Variants in CADPS observed in about 807,000 individuals in gnomAD.
CADPS encodes the protein calcium dependent secretion activator.
CADPS carries 57 observed loss-of-function variants against 167.3 expected under a neutral mutation model. The ratio of observed to expected loss-of-function variants is 0.34; its 90% CI spans 0.28 to 0.42. The LOEUF is 0.42. Ranked by LOEUF, CADPS falls within the 20% of genes least tolerant of loss-of-function variation. The pLI, the probability that CADPS is intolerant of heterozygous loss-of-function variation, is 1.00. For synonymous variants in CADPS, 676 were observed against 635.3 expected, an observed-to-expected ratio of 1.06 and a Z score of -0.96; for missense variants, 1,414 against 1,738.1, an observed-to-expected ratio of 0.81 and a Z score of 3.32.
intron 28 of CADPS, among the ~76,000 whole-genome samples, chr3:62,408,519 C>A (rs545844762): frequency 1.3e-5 from 2 of 152,174 alleles, no homozygotes; most frequent in Non-Finnish European, 2.9e-5. Flanking sequence ...GGGTAATTAA[C>A]ACCTTACTGG....
chr3:62,843,719 C>T (rs2076970247), intron 1 of CADPS, among the ~76,000 whole-genome samples: 1 of 152,128 alleles, frequency 6.6e-6, no homozygotes, highest in Non-Finnish European at 1.5e-5. Context: ...GAGGCAGAGG[C>T]CACTTCCTTA....
intron 1 of CADPS, among the ~76,000 whole-genome samples, chr3:62,858,596 T>C (rs1413381509): frequency 1.3e-5 from 2 of 152,174 alleles, no homozygotes; most frequent in African/African-American, 4.8e-5. Context: ...AACAATTAGG[T>C]AACCAATTGT....
intron 9 of CADPS, among the ~76,000 whole-genome samples, chr3:62,558,227 A>G (rs1416183793): frequency 6.6e-6 from 1 of 152,164 alleles, no homozygotes; most frequent in African/African-American, 2.4e-5. Context: ...AGCCCCCACA[A>G]TGGCGTGGCT....
chr3:62,490,407 A>G (rs939815915), intron 21 of CADPS, among the ~76,000 whole-genome samples: 3 of 152,190 alleles, frequency 2.0e-5, no homozygotes, highest in Non-Finnish European at 2.9e-5. Context: ...CAAACTCTCC[A>G]TATAGGAGTC....
intron 28 of CADPS, chr3:62,403,873 G>A (rs1386843680): frequency 6.6e-6 from 1 of 152,130 alleles, no homozygotes. Flanking sequence ...ATCTACAAAT[G>A]AGCTCATTTC....
chr3:62,611,343 A>G (rs1370594635), intron 6 of CADPS, among the ~76,000 whole-genome samples: 2 of 152,210 alleles, frequency 1.3e-5, no homozygotes, highest in Non-Finnish European at 2.9e-5. Flanking sequence ...TGTAGGTAGA[A>G]TCTGACCACT....
chr3:62,636,934 G>T (rs2066425233), intron 6 of CADPS, among the ~76,000 whole-genome samples: 1 of 152,090 alleles, frequency 6.6e-6, no homozygotes, highest in Admixed American at 6.6e-5. Context: ...GGCACCCTTG[G>T]CCAATTGATT....
rs373133639 is a variant in CADPS, at chr3:62,787,434, CA to C, written c.442-21451del. On this transcript the variant is annotated intron_variant, in intron 1 of 29. Transcript: ENST00000383710. ...TTAAAATATTATTTTACTTTATTTT[CA>C]TGAGTGAAAACATAAATAAATCAAT... Among the ~76,000 whole-genome samples, 45 of 152,224 alleles carry C rather than the reference CA, an allele frequency of 3.0e-4. 1 individual carries two copies. The highest frequency in any genetic ancestry group is 1.1e-3 in the African/African-American group (44 of 41,532).
chr3:62,780,925 T>C (rs568784806), intron 1 of CADPS, among the ~76,000 whole-genome samples: 6 of 152,338 alleles, frequency 3.9e-5, no homozygotes, highest in Admixed American at 1.3e-4. Context: ...AAGGGACTTA[T>C]CATAGGGCTT....
chr3:62,409,047 C>T (rs183624421), intron 28 of CADPS, among the ~76,000 whole-genome samples: 4 of 152,282 alleles, frequency 2.6e-5, no homozygotes, highest in East Asian at 1.9e-4. Context: ...AGGCACTACA[C>T]GAAATATACT....
chr3:62,426,766 C>T (rs560090498), intron 28 of CADPS, among the ~76,000 whole-genome samples: 353 of 152,134 alleles, frequency 2.3e-3, no homozygotes, highest in Non-Finnish European at 4.4e-3. Flanking sequence ...GAAACAAGTC[C>T]CTTGAAAAGT....
intron 28 of CADPS, among the ~76,000 whole-genome samples, chr3:62,423,560 T>C (rs2051947774): frequency 6.6e-6 from 1 of 152,234 alleles, no homozygotes; most frequent in Non-Finnish European, 1.5e-5. Context: ...TATAGTTACA[T>C]GGCTATTCTT....
intron 28 of CADPS, among the ~76,000 whole-genome samples, chr3:62,430,183 C>T (rs1026105546): frequency 1.3e-5 from 2 of 152,092 alleles, no homozygotes; most frequent in African/African-American, 4.8e-5. Context: ...TGCAGGATTG[C>T]TGAAAGTTCA....
chr3:62,728,953 AC>A (rs2077244616), intron 3 of CADPS, among the ~76,000 whole-genome samples: 1 of 151,832 alleles, frequency 6.6e-6, no homozygotes, highest in African/African-American at 2.4e-5. Flanking sequence ...TCATTAGTTC[AC>A]TTTTCACAAC....
chr3:62,557,343 T>C (rs1198640562), intron 10 of CADPS, 62 bp downstream of exon 10: 7 of 1,100,676 alleles, frequency 6.4e-6, no homozygotes, highest in Non-Finnish European at 9.8e-6. Flanking sequence ...AATTATTAGT[T>C]GACCATTGAT....
intron 3 of CADPS, among the ~76,000 whole-genome samples, chr3:62,750,474 T>C (rs1036889404): frequency 1.3e-5 from 2 of 151,846 alleles, no homozygotes; most frequent in East Asian, 1.9e-4. Flanking sequence ...TGTTAACGCC[T>C]GAAGTCTAGA....
At chr3:62,803,691 C>T (rs1230161136) in intron 1 of CADPS, among the ~76,000 whole-genome samples, 1 of 152,132 alleles carries the variant, frequency 6.6e-6, no homozygotes, top group Non-Finnish European at 1.5e-5. Flanking sequence ...GCATTGTCAT[C>T]TGTAAAGTGT....
At chr3:62,694,035 A>AATGG (rs2079759526) in intron 3 of CADPS, among the ~76,000 whole-genome samples, 1 of 151,950 alleles carries the variant, frequency 6.6e-6, no homozygotes, top group Non-Finnish European at 1.5e-5. Flanking sequence ...TTATCTGGTC[A>AATGG]CCCCAGTGCT....
intron 1 of CADPS, among the ~76,000 whole-genome samples, chr3:62,824,167 A>C (rs2073573283): frequency 4.3e-5 from 1 of 23,114 alleles, no homozygotes; most frequent in Admixed American, 3.4e-4. Context: ...CTATAACTTC[A>C]AAAAAAAAAA....
Sources: allele counts gnomAD v4.1 joint callset (sites outside exome capture counted in the v4.1 genomes callset), GRCh38; gene constraint gnomAD v4.1.1; transcripts MANE v1.5; gene names NCBI Gene and HGNC (gene_info 2026-07-23, HGNC 2026-07-21).